PPM1L: variants seen among roughly 807,000 people sequenced by gnomAD.
PPM1L encodes the protein protein phosphatase 1L.
PPM1L carries 13 observed loss-of-function variants against 31.4 expected under a neutral mutation model. The ratio of observed to expected loss-of-function variants is 0.41; its 90% CI spans 0.27 to 0.66. PPM1L has a LOEUF of 0.66. Among genes scored for constraint, PPM1L ranks in the 30% least tolerant of loss-of-function variants. The pLI is 0.29. For synonymous variants in PPM1L, 184 were observed against 175.4 expected (o/e 1.05, Z -0.39); for missense variants, 326 against 453.7 (o/e 0.72, Z 2.56).
intron 1 of PPM1L, among the ~76,000 whole-genome samples, chr3:160,827,475 GTGTGTGTGTATGTA>G (rs1211343953): frequency 6.6e-6 from 1 of 150,676 alleles, no homozygotes; most frequent in Non-Finnish European, 1.5e-5. Context: ...GTGTGTGTGT[GTGTGTGTGTATGTA>G]TGTGTGTGTT....
chr3:160,978,771 A>G (rs1417226293), intron 2 of PPM1L, among the ~76,000 whole-genome samples: 1 of 152,164 alleles, frequency 6.6e-6, no homozygotes, highest in Non-Finnish European at 1.5e-5. Context: ...TTGAGGTTGC[A>G]GTGAGCCGTG....
At chr3:160,854,124 G>A (rs1449708605) in intron 1 of PPM1L, among the ~76,000 whole-genome samples, 1 of 152,152 alleles carries the variant, frequency 6.6e-6, no homozygotes, top group Non-Finnish European at 1.5e-5. Flanking sequence ...TCAGACCTTA[G>A]ACATGTCTTT....
intron 2 of PPM1L, among the ~76,000 whole-genome samples, chr3:161,020,519 G>T (rs187822761): frequency 2.6e-5 from 4 of 152,274 alleles, no homozygotes; most frequent in African/African-American, 9.6e-5. Context: ...CTAGGGAAAT[G>T]CAAGTGAAAT....
At chr3:160,825,694 A>G (rs1241052868) in intron 1 of PPM1L, among the ~76,000 whole-genome samples, 2 of 152,190 alleles carry the variant, frequency 1.3e-5, no homozygotes, top group Admixed American at 6.6e-5. Flanking sequence ...AAGAAAGATA[A>G]GAATGACTTT....
intron 1 of PPM1L, among the ~76,000 whole-genome samples, chr3:160,835,073 C>T (rs549155056): frequency 4.8e-4 from 68 of 140,628 alleles, no homozygotes; most frequent in African/African-American, 1.8e-3. Flanking sequence ...TCTTCTTCTT[C>T]TTCTTCTTCT....
chr3:160,884,891 G>A (rs572833574), intron 1 of PPM1L, among the ~76,000 whole-genome samples: 2 of 152,336 alleles, frequency 1.3e-5, no homozygotes, highest in South Asian at 4.1e-4. Context: ...GAGATTTAGT[G>A]TGTGGGATTC....
At chr3:160,993,532 TG>T (rs1482234102) in intron 2 of PPM1L, among the ~76,000 whole-genome samples, 1 of 152,144 alleles carries the variant, frequency 6.6e-6, no homozygotes, top group African/African-American at 2.4e-5. Context: ...AACATTGTTC[TG>T]GTGATGCTTC....
chr3:160,886,928 G>A (rs1041994693), intron 1 of PPM1L, among the ~76,000 whole-genome samples: 3 of 152,186 alleles, frequency 2.0e-5, no homozygotes, highest in Admixed American at 2.0e-4. Flanking sequence ...AAAGGAGCAT[G>A]TTCTAACCCA....
At chr3:160,974,278 A>T (rs1716474014) in intron 2 of PPM1L, among the ~76,000 whole-genome samples, 1 of 151,354 alleles carries the variant, frequency 6.6e-6, no homozygotes, top group African/African-American at 2.4e-5. Flanking sequence ...TCATTGTTGG[A>T]CATTTGGGTT....
At chr3:161,044,925 A>G (rs533295527) in intron 2 of PPM1L, among the ~76,000 whole-genome samples, 1 of 152,202 alleles carries the variant, frequency 6.6e-6, no homozygotes, top group African/African-American at 2.4e-5. Flanking sequence ...GGATGGAGGA[A>G]GATCTACCAA....
In PPM1L at chr3:160,822,935, G is replaced by C. The variant is rs1183439678; in HGVS notation, c.399+66228G>C. Among the ~76,000 whole-genome samples, 3 of 151,854 alleles carry C rather than the reference G, an allele frequency of 2.0e-5. No homozygotes were observed. In the East Asian group the frequency reaches 5.8e-4, roughly 29 times the overall value. On this transcript the variant is annotated intron_variant, in intron 1 of 3. Transcript: ENST00000498165. ...CGACCATCTGTAAGAAAAATAAAAT[G>C]AGATCAAAAGGGGAAAACATATAAA... is the stretch of plus-strand genomic sequence containing the variant.
intron 2 of PPM1L, among the ~76,000 whole-genome samples, chr3:160,987,100 T>C (rs958913452): frequency 6.6e-6 from 1 of 152,196 alleles, no homozygotes; most frequent in African/African-American, 2.4e-5. Flanking sequence ...AAAGGTGTGA[T>C]CTGGCAAAGG....
rs1287342748 is a variant in PPM1L, at chr3:161,071,691, T to C, written c.*2534T>C. On this transcript the variant is annotated 3_prime_UTR_variant, in exon 4 of 4. Coordinates refer to ENST00000498165, the MANE Select transcript of PPM1L (RefSeq NM_139245.4). Reference sequence around the variant, plus strand: ...GTTGTTAGGATAGTTATATCTAAAATCAGAGTATTTTGTTCCCTTCCTTCT... The same window carrying C: ...GTTGTTAGGATAGTTATATCTAAAACCAGAGTATTTTGTTCCCTTCCTTCT... The C allele has an allele frequency of 6.6e-6, 1 of 152,230 alleles. No homozygotes were observed. Among genetic ancestry groups the C allele is most frequent in the African/African-American group, 2.4e-5 (1 of 41,448 alleles). The allele number at this position is 152,230 out of a possible 1,614,324, so 9.4% of individuals were successfully genotyped here.
intron 1 of PPM1L, among the ~76,000 whole-genome samples, chr3:160,862,154 G>A (rs1209360555): frequency 2.6e-5 from 4 of 152,078 alleles, no homozygotes; most frequent in East Asian, 3.9e-4. Context: ...AAGATGATGA[G>A]GAAAATTAGC....
At chr3:160,998,434 G>C (rs1010973111) in intron 2 of PPM1L, among the ~76,000 whole-genome samples, 1 of 152,132 alleles carries the variant, frequency 6.6e-6, no homozygotes, top group African/African-American at 2.4e-5. Flanking sequence ...TAGTTTATCT[G>C]GTGTGGTTCT....
At chr3:160,894,408 T>C (rs1372177855) in intron 1 of PPM1L, among the ~76,000 whole-genome samples, 1 of 152,210 alleles carries the variant, frequency 6.6e-6, no homozygotes, top group Non-Finnish European at 1.5e-5. Flanking sequence ...CATTTAGGTT[T>C]TTGAAGTATG....
intron 1 of PPM1L, among the ~76,000 whole-genome samples, chr3:160,766,744 G>GC: frequency 7.0e-6 from 1 of 142,400 alleles, no homozygotes; most frequent in East Asian, 2.0e-4. Flanking sequence ...CTCTCTGGAG[G>GC]TTTTTTTTTT....
intron 1 of PPM1L, among the ~76,000 whole-genome samples, chr3:160,892,839 A>T (rs1713203035): frequency 6.6e-6 from 1 of 152,186 alleles, no homozygotes; most frequent in Non-Finnish European, 1.5e-5. Context: ...TCATCTCTAG[A>T]TGCGAAGGAG....
chr3:160,826,731 C>T (rs563840023), intron 1 of PPM1L, among the ~76,000 whole-genome samples: 2 of 152,194 alleles, frequency 1.3e-5, no homozygotes, highest in South Asian at 4.2e-4. Context: ...ATTTACAACA[C>T]TCATTGAAAC....
Sources: allele counts gnomAD v4.1 joint callset (sites outside exome capture counted in the v4.1 genomes callset), GRCh38; gene constraint gnomAD v4.1.1; transcripts MANE v1.5; gene names NCBI Gene and HGNC (gene_info 2026-07-23, HGNC 2026-07-21).